The following TAFA1 variants were observed in gnomAD, a reference collection of about 807,000 sequenced individuals.
The protein encoded by TAFA1 is chemokine-like protein TAFA-1.
In TAFA1, 4 loss-of-function variants were observed where a neutral mutation model predicts 18.5. That is an observed-to-expected ratio of 0.22 (90% CI 0.11 to 0.49). TAFA1 has a LOEUF of 0.49. TAFA1 is among the 20% of genes least tolerant of loss of function. The pLI is 0.98. For synonymous variants in TAFA1, 56 were observed against 55.2 expected (o/e 1.01, Z -0.06); for missense variants, 147 against 169.0 (o/e 0.87, Z 0.72).
chr3:68,542,814 A>G (rs367974141), intron 4 of TAFA1, among the ~76,000 whole-genome samples: 2 of 152,286 alleles, frequency 1.3e-5, no homozygotes, highest in East Asian at 3.9e-4. Context: ...TACACCATTT[A>G]CATGTGGGAA....
At chr3:68,113,301 G>T (rs1265854616) in intron 2 of TAFA1, among the ~76,000 whole-genome samples, 1 of 152,212 alleles carries the variant, frequency 6.6e-6, no homozygotes, top group East Asian at 1.9e-4. Flanking sequence ...AGGTGGTGCT[G>T]CAGAGAAGTA....
intron 2 of TAFA1, among the ~76,000 whole-genome samples, chr3:68,362,980 C>CTTTTTTTTTTTTTTTT (rs10681792): frequency 4.0e-5 from 3 of 75,030 alleles, no homozygotes; most frequent in African/African-American, 5.6e-5. Flanking sequence ...GTCTTGCAGG[C>CTTTTTTTTTTTTTTTT]TTTTTTTTTT....
At chr3:68,500,950 G>A (rs1485938988) in intron 3 of TAFA1, among the ~76,000 whole-genome samples, 3 of 151,898 alleles carry the variant, frequency 2.0e-5, no homozygotes, top group Admixed American at 1.3e-4. Flanking sequence ...TAAATCACTT[G>A]AGACCAACCT....
chr3:68,004,944 C>CTATG (rs1704331972), intron 1 of TAFA1, among the ~76,000 whole-genome samples: 1 of 151,828 alleles, frequency 6.6e-6, no homozygotes, highest in Admixed American at 6.6e-5. Flanking sequence ...TCACAGTAAT[C>CTATG]CTTTTGAGTG....
At chr3:68,052,919 ATAATCT>A (rs2064489660) in intron 2 of TAFA1, among the ~76,000 whole-genome samples, 1 of 152,210 alleles carries the variant, frequency 6.6e-6, no homozygotes. Flanking sequence ...ACAAAGATTT[ATAATCT>A]CTACTGGACA....
intron 3 of TAFA1, among the ~76,000 whole-genome samples, chr3:68,471,386 T>G (rs1291225222): frequency 2.0e-5 from 3 of 152,090 alleles, no homozygotes. Context: ...GATCCACTGA[T>G]GACTTGCACC....
At chr3:68,495,061 C>T (rs1414936876) in intron 3 of TAFA1, among the ~76,000 whole-genome samples, 1 of 152,174 alleles carries the variant, frequency 6.6e-6, no homozygotes, top group African/African-American at 2.4e-5. Context: ...TGACCTCTAA[C>T]CAATACAACA....
chr3:67,998,062 A>G, the TAFA1 span, among the ~76,000 whole-genome samples: 2 of 151,962 alleles, frequency 1.3e-5, no homozygotes, highest in Non-Finnish European at 2.9e-5. Context: ...AAATTAAACA[A>G]AAAAAACCAT....
intron 2 of TAFA1, among the ~76,000 whole-genome samples, chr3:68,025,637 T>C (rs1054860054): frequency 6.6e-6 from 1 of 152,184 alleles, no homozygotes; most frequent in Non-Finnish European, 1.5e-5. Flanking sequence ...CTCTCCTTTA[T>C]CCACACTGGG....
At chr3:68,499,670 G>A (rs767451687) in intron 3 of TAFA1, among the ~76,000 whole-genome samples, 4 of 151,576 alleles carry the variant, frequency 2.6e-5, no homozygotes, top group Non-Finnish European at 5.9e-5. Context: ...TAGAACTAAG[G>A]TATTATTTGA....
chr3:68,043,784 G>A (rs568891955), intron 2 of TAFA1, among the ~76,000 whole-genome samples: 1 of 152,226 alleles, frequency 6.6e-6, no homozygotes, highest in African/African-American at 2.4e-5. Context: ...TTATTTTGAA[G>A]TGGGCTATTT....
At chr3:68,179,567 T>C (rs1399590066) in intron 2 of TAFA1, among the ~76,000 whole-genome samples, 1 of 152,174 alleles carries the variant, frequency 6.6e-6, no homozygotes, top group Admixed American at 6.5e-5. Flanking sequence ...TATTAAATAA[T>C]AATGTAATAA....
At chr3:68,379,330 C>A (rs950793952) in intron 2 of TAFA1, among the ~76,000 whole-genome samples, 1 of 152,048 alleles carries the variant, frequency 6.6e-6, no homozygotes, top group African/African-American at 2.4e-5. Context: ...CTGTTAATGT[C>A]CTTTAATGGG....
chr3:68,381,441 T>G (rs262184), intron 2 of TAFA1, among the ~76,000 whole-genome samples: 95,350 of 151,752 alleles, frequency 0.63, 30,737 homozygotes, highest in East Asian at 1. Flanking sequence ...CCTCTTTTAT[T>G]TCATTGAGCA....
intron 2 of TAFA1, among the ~76,000 whole-genome samples, chr3:68,323,690 C>T (rs1198488958): frequency 6.6e-6 from 1 of 152,146 alleles, no homozygotes; most frequent in East Asian, 1.9e-4. Flanking sequence ...ATTCCTTTAA[C>T]CTGTGAGATT....
chr3:68,371,069 C>T (rs1376781397), intron 2 of TAFA1, among the ~76,000 whole-genome samples: 1 of 152,064 alleles, frequency 6.6e-6, no homozygotes, highest in African/African-American at 2.4e-5. Flanking sequence ...CTTATCTACT[C>T]TTCTGTTAAG....
chr3:68,164,111 G>C (rs73834867), intron 2 of TAFA1, among the ~76,000 whole-genome samples: 2,611 of 152,244 alleles, frequency 0.017, 85 homozygotes, highest in African/African-American at 0.059. Flanking sequence ...ATGCATTTCA[G>C]CTCTAGCATC....
rs149694363 is a variant in TAFA1, at chr3:68,299,470, G to A, written c.119-117810G>A. Among the ~76,000 whole-genome samples, 33 of 152,256 alleles carry A rather than the reference G, an allele frequency of 2.2e-4. No individual in the cohort carries two copies. The East Asian group carries it at 3.5e-3, about 16-fold the overall frequency. On this transcript the variant is annotated intron_variant, in intron 2 of 4. Coordinates refer to ENST00000478136, the MANE Select transcript of TAFA1 (RefSeq NM_213609.4). ...GAGATGGTTTGGAATTGGAACTAAC[G>A]TTTAAAAGGGAAGCAGAGCGTAAAA... is the stretch of plus-strand genomic sequence containing the variant.
At chr3:68,276,262 G>A (rs6801440) in intron 2 of TAFA1, among the ~76,000 whole-genome samples, 31 of 152,068 alleles carry the variant, frequency 2.0e-4, no homozygotes, top group Non-Finnish European at 3.1e-4. Context: ...GCTTCTCAAC[G>A]TCAGTGCTAT....
Sources: allele counts gnomAD v4.1 joint callset (sites outside exome capture counted in the v4.1 genomes callset), GRCh38; gene constraint gnomAD v4.1.1; transcripts MANE v1.5; gene names NCBI Gene and HGNC (gene_info 2026-07-23, HGNC 2026-07-21).